The following PIBF1 variants were observed in gnomAD, a reference collection of about 807,000 sequenced individuals.
The protein encoded by PIBF1 is progesterone-induced-blocking factor 1.
In PIBF1, 90 loss-of-function variants were observed where a neutral mutation model predicts 112.5. That is an observed-to-expected ratio of 0.80 (90% CI 0.67 to 0.95). The LOEUF is 0.95. Ranked by LOEUF, PIBF1 falls within the 40% of genes least tolerant of loss-of-function variation. PIBF1 has a pLI of 0.00. For missense variants in PIBF1, 915 were observed against 852.3 expected (o/e 1.07, Z -0.92); for synonymous variants, 301 against 288.6 (o/e 1.04, Z -0.44).
chr13:72,806,422 G>A (rs528105941), intron 5 of PIBF1, among the ~76,000 whole-genome samples: 6 of 150,970 alleles, frequency 4.0e-5, no homozygotes, highest in South Asian at 2.1e-4. Flanking sequence ...TAGGCACAAC[G>A]TGCAGGTAGT....
chr13:72,993,798 T>C (rs1445653627), intron 16 of PIBF1, among the ~76,000 whole-genome samples: 1 of 150,356 alleles, frequency 6.7e-6, no homozygotes, highest in African/African-American at 2.4e-5. Flanking sequence ...AGAAATTTGA[T>C]TTTAGAAGAC....
At chr13:72,866,251 CTT>C (rs532521165) in intron 10 of PIBF1, among the ~76,000 whole-genome samples, 1 of 152,148 alleles carries the variant, frequency 6.6e-6, no homozygotes, top group African/African-American at 2.4e-5. Flanking sequence ...TACAAAGACT[CTT>C]TTTCCAAATA....
chr13:72,928,259 T>C (rs1379172534), intron 13 of PIBF1, among the ~76,000 whole-genome samples: 1 of 151,698 alleles, frequency 6.6e-6, no homozygotes, highest in African/African-American at 2.4e-5. Context: ...TCAGTAAAAT[T>C]GTACTATAAA....
intron 9 of PIBF1, among the ~76,000 whole-genome samples, chr13:72,844,762 C>CACACACGGATGAAGTCTTACTGTTT: frequency 7.9e-6 from 1 of 125,968 alleles, no homozygotes; most frequent in South Asian, 2.7e-4. Flanking sequence ...CACACACACA[C>CACACACGGATGAAGTCTTACTGTTT]ACACACACAC....
At chr13:72,816,874 A>C (rs914658039) in intron 5 of PIBF1, among the ~76,000 whole-genome samples, 1 of 151,984 alleles carries the variant, frequency 6.6e-6, no homozygotes, top group African/African-American at 2.4e-5. Context: ...TTTCTTGAAG[A>C]TCTTAACAAT....
At chr13:72,960,386 C>A (rs2042573200) in intron 14 of PIBF1, among the ~76,000 whole-genome samples, 1 of 152,048 alleles carries the variant, frequency 6.6e-6, no homozygotes, top group African/African-American at 2.4e-5. Flanking sequence ...GCCTAGGCAA[C>A]AGAGTGAGAT....
intron 14 of PIBF1, among the ~76,000 whole-genome samples, chr13:72,944,292 C>A (rs1477501736): frequency 6.6e-6 from 1 of 151,652 alleles, no homozygotes; most frequent in Non-Finnish European, 1.5e-5. Context: ...ACTGAAAATA[C>A]AAAAATTAGC....
At chr13:72,872,764 TG>T (rs2039220546) in intron 10 of PIBF1, among the ~76,000 whole-genome samples, 1 of 152,152 alleles carries the variant, frequency 6.6e-6, no homozygotes, top group African/African-American at 2.4e-5. Context: ...CAAGTTACTA[TG>T]AAAAAATTTA....
At chr13:72,884,339 C>T (rs937947885) in intron 10 of PIBF1, 1 of 152,052 alleles carries the variant, frequency 6.6e-6, no homozygotes, top group East Asian at 1.9e-4. Context: ...TTATTAATAT[C>T]GCAAGCCTCT....
chr13:72,940,061 C>T (rs954906161), intron 14 of PIBF1, among the ~76,000 whole-genome samples: 4 of 152,068 alleles, frequency 2.6e-5, no homozygotes, highest in African/African-American at 9.7e-5. Context: ...GAACATCTTA[C>T]ATATGTGAGT....
At chr13:72,796,769 T>A (rs574583511) in intron 4 of PIBF1, among the ~76,000 whole-genome samples, 1 of 152,192 alleles carries the variant, frequency 6.6e-6, no homozygotes, top group Admixed American at 6.6e-5. Context: ...ATATAAAGTA[T>A]CACACTGGTG....
rs1337158341 is a variant in PIBF1 at position 73,000,309 on chromosome 13, C to G, written c.2223+1314C>G. Among the ~76,000 whole-genome samples, 3 of 152,212 alleles carry G rather than the reference C, an allele frequency of 2.0e-5. No homozygotes were observed. The East Asian group carries it at 5.8e-4, about 29-fold the overall frequency. On this transcript the variant is annotated intron_variant, in intron 17 of 17. Coordinates refer to ENST00000326291, the MANE Select transcript of PIBF1 (RefSeq NM_006346.4). ...AGGTTTCTGTACATCCTTTCTGCAT[C>G]TACTCTCTTATAATGTAGTTCTCCC...
At chr13:72,964,977 A>G (rs1236542806) in intron 14 of PIBF1, among the ~76,000 whole-genome samples, 2 of 152,086 alleles carry the variant, frequency 1.3e-5, no homozygotes, top group Non-Finnish European at 2.9e-5. Flanking sequence ...CAGGAGAATC[A>G]CTTGAACCTG....
intron 9 of PIBF1, among the ~76,000 whole-genome samples, chr13:72,842,213 A>G (rs562078685): frequency 1.3e-5 from 2 of 152,218 alleles, no homozygotes; most frequent in Non-Finnish European, 2.9e-5. Context: ...AAGTTTTTCC[A>G]TAAAGTAAAA....
chr13:72,791,666 T>C (rs528033528), intron 2 of PIBF1, among the ~76,000 whole-genome samples: 1 of 151,852 alleles, frequency 6.6e-6, no homozygotes, highest in Non-Finnish European at 1.5e-5. Flanking sequence ...GGAGTCTCGC[T>C]CTGTCTCCCA....
At chr13:72,847,774 T>C in intron 9 of PIBF1, among the ~76,000 whole-genome samples, 1 of 152,340 alleles carries the variant, frequency 6.6e-6, no homozygotes, top group Middle Eastern at 3.4e-3. Context: ...TTTTCAGTCA[T>C]CTATGATAAA....
chr13:72,835,260 A>C lies in PIBF1; in HGVS notation c.1115A>C (p.Glu372Ala), dbSNP rs1021447475. 1 of 1,571,470 alleles carries C rather than the reference A, an allele frequency of 6.4e-7. No homozygotes were observed. The highest frequency in any genetic ancestry group is 2.3e-5 in the East Asian group (1 of 43,744). ...CCTTGCAGAGACCATTATAAAACAG[A>C]ATATGAAAATAAACTACATGATGAA... ...YVASRDHYKT[E>A]YENKLHDELE... is the part of the protein sequence containing the mutation. The change falls in exon 9 of 18, where the codon GAA becomes GCA. Residue 372 changes from glutamate (E) to alanine (A), a missense_variant. Glu to Ala is a moderately radical substitution (Grantham distance 107, BLOSUM62 -1). Coordinates refer to ENST00000326291, the MANE Select transcript of PIBF1 (RefSeq NM_006346.4).
At chr13:72,847,455 A>G (rs1389325122) in intron 9 of PIBF1, among the ~76,000 whole-genome samples, 1 of 152,210 alleles carries the variant, frequency 6.6e-6, no homozygotes, top group Non-Finnish European at 1.5e-5. Flanking sequence ...AAGGTAGGAG[A>G]CAGAGCAAGG....
At position 73,016,100 on chromosome 13, in the gene PIBF1, T is replaced by TA. The variant is rs1381873398; in HGVS notation, c.*182dup. ...TGTGTAAAGAACAATCAATATACTT[T>TA]ATTTTTTTTTCTATTTTATAAAATA... is the stretch of plus-strand genomic sequence containing the variant. On this transcript the variant is annotated 3_prime_UTR_variant, in exon 18 of 18. Transcript: ENST00000326291. The TA allele has an allele frequency of 1.1e-5, 3 of 276,016 alleles. No homozygotes were observed. The highest frequency in any genetic ancestry group is 2.0e-5 in the Non-Finnish European group (3 of 150,622). 17.1% of individuals were successfully genotyped at this position (276,016 alleles called of 1,614,324 possible). A position where few individuals can be genotyped will look rare whatever the true frequency, so the allele number is the denominator to read the frequency against.
Sources: gnomAD v4.1 joint callset for allele counts (sites outside exome capture counted in the v4.1 genomes callset) on GRCh38, gnomAD v4.1.1 for gene constraint, MANE v1.5 for transcripts, NCBI Gene and HGNC (gene_info 2026-07-23, HGNC 2026-07-21) for gene names.